KYAT1: variants seen among roughly 807,000 people sequenced by gnomAD.
KYAT1 encodes kynurenine aminotransferase 1, also known as kynurenine--oxoglutarate transaminase 1.
Under a neutral mutation model 52.4 loss-of-function variants are expected in KYAT1, and 47 were observed. That is an observed-to-expected ratio of 0.90 (90% CI 0.71 to 1.14). The LOEUF (loss-of-function observed/expected upper bound fraction) is 1.14. Among genes scored for constraint, KYAT1 ranks in the 50% most tolerant of loss-of-function variants. The probability of loss-of-function intolerance (pLI) is 0.00; values close to 1 mark genes in which losing one functional copy is unlikely to be tolerated. For synonymous variants in KYAT1, 212 were observed against 209.6 expected (o/e 1.01, Z -0.10); for missense variants, 480 against 557.9 (o/e 0.86, Z 1.41).
At chr9:128,833,709 A>C in intron 12 of KYAT1, 31 bp downstream of exon 12, 3 of 1,613,670 alleles carry the variant, frequency 1.9e-6, no homozygotes, top group Non-Finnish European at 2.5e-6. Context: ...AAGCTCTGTG[A>C]GGTCTTTCCT....
At position 128,876,817 on chromosome 9, in the gene KYAT1, G is replaced by T. The variant is rs867511496; in HGVS notation, c.-7+5080C>A. Among the ~76,000 whole-genome samples the T allele has an allele frequency of 7.1e-5, 10 of 139,938 alleles. No homozygotes were observed. The South Asian group carries it at 9.4e-4, about 13-fold the overall frequency. The allele number at this position is 139,938 out of a possible 152,430, so 91.8% of individuals were successfully genotyped here. ...TCTTGGCTCACTGCAACCCCCACCTGCCGGGTTCAAGTGATTCTCCTGCCT... is the reference window on the plus strand; with the variant it reads ...TCTTGGCTCACTGCAACCCCCACCTTCCGGGTTCAAGTGATTCTCCTGCCT... On this transcript the variant is annotated intron_variant, in intron 1 of 12. Coordinates refer to ENST00000302586, the MANE Select transcript of KYAT1 (RefSeq NM_004059.5).
intron 1 of KYAT1, among the ~76,000 whole-genome samples, chr9:128,865,336 TATATA>T (rs1836139381): frequency 1.4e-3 from 3 of 2,174 alleles, no homozygotes; most frequent in Non-Finnish European, 2.9e-3. Flanking sequence ...TATATATATA[TATATA>T]TATATATATA....
chr9:128,880,587 G>A (rs1472306504), intron 1 of KYAT1, among the ~76,000 whole-genome samples: 1 of 151,864 alleles, frequency 6.6e-6, no homozygotes, highest in Non-Finnish European at 1.5e-5. Context: ...GACCACAGGC[G>A]CTCGCCACCA....
rs181264410 is a variant in KYAT1, at chr9:128,878,723, G to T, written c.-7+3174C>A. 6.2e-3 allele frequency among the ~76,000 whole-genome samples: 944 copies of T among 152,274 alleles called. 3 individuals carry two copies. Among genetic ancestry groups the T allele is most frequent in the Non-Finnish European group, 0.011 (760 of 68,020 alleles). ...TGGAGTCCAGACGGCAGGTTTACAG[G>T]CTGGAGGGGTTGGTGGAAGACCTGA... On this transcript the variant is annotated intron_variant, in intron 1 of 12. Transcript: ENST00000302586.
At chr9:128,839,025 A>G (rs1333016809) in intron 3 of KYAT1, among the ~76,000 whole-genome samples, 2 of 151,694 alleles carry the variant, frequency 1.3e-5, no homozygotes, top group African/African-American at 4.8e-5. Flanking sequence ...GTGCAGTGGC[A>G]CAATCGCGGC....
chr9:128,839,074 C>T (rs1276026792), intron 3 of KYAT1, among the ~76,000 whole-genome samples: 1 of 152,010 alleles, frequency 6.6e-6, no homozygotes, highest in African/African-American at 2.4e-5. Flanking sequence ...AGTGATTCTC[C>T]TGCCTCAGCC....
At chr9:128,837,985 C>A in intron 5 of KYAT1, 66 bp downstream of exon 5, 1 of 1,558,840 alleles carries the variant, frequency 6.4e-7, no homozygotes, top group Non-Finnish European at 8.9e-7. Context: ...TTTCCAACTC[C>A]CAGGGTCCAA....
intron 11 of KYAT1, 70 bp from the exon 12 acceptor site, chr9:128,833,896 G>C (rs929675541): frequency 1.1e-5 from 14 of 1,267,196 alleles, no homozygotes; most frequent in Non-Finnish European, 1.3e-5. Flanking sequence ...GGAGGGGACA[G>C]AGAGGTTCCC....
chr9:128,851,217 G>A (rs1017566408), intron 1 of KYAT1, among the ~76,000 whole-genome samples: 5 of 152,108 alleles, frequency 3.3e-5, no homozygotes, highest in Non-Finnish European at 7.3e-5. Flanking sequence ...CCACAGGTAT[G>A]GAGGGGCAGG....
At chr9:128,846,756 G>A (rs1235514941) in intron 1 of KYAT1, 2 of 1,535,560 alleles carry the variant, frequency 1.3e-6, no homozygotes, top group Non-Finnish European at 1.7e-6. Context: ...GACCTCACAT[G>A]GGCTTTGTGG....
At chr9:128,882,516 A>G (rs1438833486), upstream of KYAT1, 1 of 392,680 alleles carries the variant, frequency 2.5e-6, no homozygotes, top group African/African-American at 2.1e-5. Flanking sequence ...TTCAGAAACC[A>G]GGAGTTTCCG....
At chr9:128,849,985 A>T (rs542785696) in intron 1 of KYAT1, among the ~76,000 whole-genome samples, 2 of 150,150 alleles carry the variant, frequency 1.3e-5, no homozygotes, top group Non-Finnish European at 3.0e-5. Flanking sequence ...CCTGGGTTCA[A>T]GTGATTCTCC....
chr9:128,833,862 C>G (rs62585564), intron 11 of KYAT1, 36 bp from the exon 12 acceptor site: 2 of 1,577,342 alleles, frequency 1.3e-6, no homozygotes, highest in Non-Finnish European at 1.7e-6. Context: ...AACACGGCCT[C>G]GTGGCCCAGC....
intron 1 of KYAT1, among the ~76,000 whole-genome samples, chr9:128,861,559 G>A (rs958023306): frequency 1.3e-5 from 2 of 152,186 alleles, no homozygotes; most frequent in East Asian, 1.9e-4. Context: ...CACACAAGGC[G>A]ATGCCAGAGC....
At chr9:128,869,786 C>T (rs1836966428) in intron 1 of KYAT1, among the ~76,000 whole-genome samples, 1 of 151,158 alleles carries the variant, frequency 6.6e-6, no homozygotes. Context: ...CAGAGTCTCA[C>T]TCTGTTGCCC....
At chr9:128,849,586 G>C (rs1433369556) in intron 1 of KYAT1, among the ~76,000 whole-genome samples, 1 of 149,094 alleles carries the variant, frequency 6.7e-6, no homozygotes, top group Non-Finnish European at 1.5e-5. Context: ...ATGAGGTTAG[G>C]AGCTCAAGAC....
chr9:128,865,359 A>ATTTTTTTTTTTTTTTTTTT (rs776787253), intron 1 of KYAT1, among the ~76,000 whole-genome samples: 2 of 27,316 alleles, frequency 7.3e-5, no homozygotes, highest in African/African-American at 3.4e-4. Context: ...ATATATATAT[A>ATTTTTTTTTTTTTTTTTTT]TTTTTTTTTT....
At chr9:128,840,270 CTATTTTG>C (rs1355236943) in intron 3 of KYAT1, among the ~76,000 whole-genome samples, 1 of 26,668 alleles carries the variant, frequency 3.7e-5, no homozygotes, top group Non-Finnish European at 7.3e-5. Flanking sequence ...GACCCTGTCT[CTATTTTG>C]TTGTTGTTGT....
chr9:128,849,805 AAAAAAG>A (rs1240574624), intron 1 of KYAT1, among the ~76,000 whole-genome samples: 189 of 137,460 alleles, frequency 1.4e-3, no homozygotes, highest in Non-Finnish European at 1.9e-3. Flanking sequence ...CAAAAAAAAA[AAAAAAG>A]AAAAGAAAAG....
Sources: gnomAD v4.1 joint callset for allele counts (sites outside exome capture counted in the v4.1 genomes callset) on GRCh38, gnomAD v4.1.1 for gene constraint, MANE v1.5 for transcripts, NCBI Gene and HGNC (gene_info 2026-07-23, HGNC 2026-07-21) for gene names.